SEZ6L: variants seen among roughly 807,000 people sequenced by gnomAD.
The protein encoded by SEZ6L is seizure related 6 homolog like, also known as seizure 6-like protein.
In SEZ6L, 37 loss-of-function variants were observed where a neutral mutation model predicts 106.2. The ratio of observed to expected loss-of-function variants is 0.35; its 90% CI spans 0.27 to 0.46. The LOEUF is 0.46. Among genes scored for constraint, SEZ6L ranks in the 20% least tolerant of loss-of-function variants. SEZ6L has a pLI of 1.00. For synonymous variants in SEZ6L, 541 were observed against 570.4 expected, an observed-to-expected ratio of 0.95 and a Z score of 0.73; for missense variants, 1,172 against 1,332.8, an observed-to-expected ratio of 0.88 and a Z score of 1.88.
chr22:26,221,813 T>G (rs1291394161), intron 1 of SEZ6L, among the ~76,000 whole-genome samples: 1 of 152,096 alleles, frequency 6.6e-6, no homozygotes, highest in Non-Finnish European at 1.5e-5. Flanking sequence ...GCTTATTGGT[T>G]GATTTCTGCT....
intron 1 of SEZ6L, among the ~76,000 whole-genome samples, chr22:26,248,153 T>C (rs1163246050): frequency 6.6e-6 from 1 of 152,222 alleles, no homozygotes; most frequent in Non-Finnish European, 1.5e-5. Context: ...CAGGACCTAC[T>C]GTGTGCCAGG....
intron 9 of SEZ6L, among the ~76,000 whole-genome samples, chr22:26,324,100 AC>A (rs2082236506): frequency 6.8e-5 from 10 of 147,748 alleles, no homozygotes; most frequent in South Asian, 2.1e-4. Context: ...ACACACACAC[AC>A]AAACACACAC....
chr22:26,261,943 T>C (rs2080021911), intron 1 of SEZ6L, among the ~76,000 whole-genome samples: 1 of 152,114 alleles, frequency 6.6e-6, no homozygotes, highest in South Asian at 2.1e-4. Context: ...GGATTTCAGC[T>C]GAGTGATCAT....
chr22:26,216,391 C>T (rs1444442243), intron 1 of SEZ6L, among the ~76,000 whole-genome samples: 1 of 152,160 alleles, frequency 6.6e-6, no homozygotes, highest in Non-Finnish European at 1.5e-5. Context: ...TGTGATGGCT[C>T]ACACCTGTAA....
intron 1 of SEZ6L, among the ~76,000 whole-genome samples, chr22:26,175,087 G>C (rs973218690): frequency 3.8e-4 from 58 of 152,134 alleles, no homozygotes; most frequent in African/African-American, 1.4e-3. Flanking sequence ...TTTATATCCT[G>C]CATTCCCCAA....
intron 1 of SEZ6L, among the ~76,000 whole-genome samples, chr22:26,270,037 C>T (rs2080313358): frequency 6.6e-6 from 1 of 152,156 alleles, no homozygotes; most frequent in Admixed American, 6.5e-5. Context: ...AGGACACTTG[C>T]CCCAGCCTTG....
chr22:26,187,529 A>G (rs2123790055), intron 1 of SEZ6L, among the ~76,000 whole-genome samples: 1 of 152,260 alleles, frequency 6.6e-6, no homozygotes, highest in Non-Finnish European at 1.5e-5. Flanking sequence ...CCAGCCTTTG[A>G]CCCTTTGGCT....
At chr22:26,348,819 AG>A (rs2083172149) in intron 11 of SEZ6L, among the ~76,000 whole-genome samples, 1 of 1,858 alleles carries the variant, frequency 5.4e-4, no homozygotes. Context: ...GGGAGAGAAG[AG>A]AGGGAAGGGG....
At chr22:26,270,453 A>G (rs1435060841) in intron 1 of SEZ6L, among the ~76,000 whole-genome samples, 1 of 133,012 alleles carries the variant, frequency 7.5e-6, no homozygotes, top group East Asian at 2.4e-4. Context: ...TGGTGCTGAC[A>G]ATTGTGAGGG....
intron 1 of SEZ6L, among the ~76,000 whole-genome samples, chr22:26,192,996 A>G (rs1286681417): frequency 6.6e-6 from 1 of 152,238 alleles, no homozygotes; most frequent in Non-Finnish European, 1.5e-5. Flanking sequence ...TCAAGGGTTC[A>G]CTGTAAATCG....
Position 26,247,478 on chromosome 22 carries a change from G to A in SEZ6L, c.95-44928G>A, listed in dbSNP as rs369224872. Among the ~76,000 whole-genome samples the A allele has an allele frequency of 1.1e-4, 16 of 152,330 alleles. No homozygotes were observed. The South Asian group carries it at 2.3e-3, about 22-fold the overall frequency. On this transcript the variant is annotated intron_variant, in intron 1 of 16. Coordinates refer to ENST00000248933, the MANE Select transcript of SEZ6L (RefSeq NM_021115.5). ...ACTGGTATCTTCCTAAGAAGGTCAT[G>A]TGGAAGATGCAGAGAGACACACTCA...
chr22:26,261,924 G>A (rs2145819488), intron 1 of SEZ6L, among the ~76,000 whole-genome samples: 1 of 152,220 alleles, frequency 6.6e-6, no homozygotes, highest in South Asian at 2.1e-4. Context: ...AGCAACAGAG[G>A]AGACCAGTGG....
At chr22:26,333,605 G>A (rs1372547530) in intron 9 of SEZ6L, among the ~76,000 whole-genome samples, 1 of 151,266 alleles carries the variant, frequency 6.6e-6, no homozygotes, top group South Asian at 2.1e-4. Flanking sequence ...AGCTGGCACT[G>A]ATTCACCCGA....
intron 1 of SEZ6L, among the ~76,000 whole-genome samples, chr22:26,288,808 C>A (rs892569752): frequency 8.5e-5 from 13 of 152,180 alleles, no homozygotes; most frequent in Admixed American, 8.5e-4. Context: ...TCCTTGTGTG[C>A]AGATGACACA....
chr22:26,278,737 A>T (rs1428840455), intron 1 of SEZ6L, among the ~76,000 whole-genome samples: 1 of 151,908 alleles, frequency 6.6e-6, no homozygotes, highest in Non-Finnish European at 1.5e-5. Flanking sequence ...AAAGGAATGA[A>T]TTTTTTAAAA....
chr22:26,225,652 G>T (rs1363982133), intron 1 of SEZ6L, among the ~76,000 whole-genome samples: 1 of 152,192 alleles, frequency 6.6e-6, no homozygotes, highest in Non-Finnish European at 1.5e-5. Flanking sequence ...GAGGAAAATT[G>T]TTGCCATCCC....
At chr22:26,315,034 G>A (rs1292139182) in intron 9 of SEZ6L, among the ~76,000 whole-genome samples, 7 of 152,272 alleles carry the variant, frequency 4.6e-5, no homozygotes, top group African/African-American at 1.7e-4. Context: ...GCAGACGGGA[G>A]GGTGGTTGGG....
rs544652590 is a variant in SEZ6L, at chr22:26,174,437, C to T, written c.94+4674C>T. On this transcript the variant is annotated intron_variant, in intron 1 of 16. Transcript: ENST00000248933. ...CACGCTCAAAAAAAAGATAATCTGT[C>T]GGACCTGCCTGTCCTCCCTGCTCTC... 1.5e-4 allele frequency among the ~76,000 whole-genome samples: 23 copies of T among 152,280 alleles called. 1 individual carries two copies. In the Middle Eastern group the frequency reaches 0.024, roughly 158 times the overall value.
At chr22:26,360,675 C>T (rs1256187706) in intron 12 of SEZ6L, among the ~76,000 whole-genome samples, 3 of 152,142 alleles carry the variant, frequency 2.0e-5, no homozygotes, top group Non-Finnish European at 2.9e-5. Context: ...AAAGCCTCCC[C>T]GACCAGGGGG....
Sources: allele counts gnomAD v4.1 joint callset (sites outside exome capture counted in the v4.1 genomes callset), GRCh38; gene constraint gnomAD v4.1.1; transcripts MANE v1.5; gene names NCBI Gene and HGNC (gene_info 2026-07-23, HGNC 2026-07-21).